Variants in CFAP54 observed in about 807,000 individuals in gnomAD.
CFAP54 encodes cilia- and flagella-associated protein 54.
A neutral mutation model predicts 370.4 loss-of-function variants in CFAP54; 290 were observed. That is an observed-to-expected ratio of 0.78 (90% CI 0.71 to 0.86). The LOEUF is 0.86. CFAP54 is among the 40% of genes least tolerant of loss of function. CFAP54 has a pLI of 0.00. For missense variants in CFAP54, 3,399 were observed against 3,528.7 expected (o/e 0.96, Z 0.93); for synonymous variants, 1,206 against 1,236.5 (o/e 0.98, Z 0.52).
chr12:96,769,901 A>G (rs1392288814), intron 60 of CFAP54, among the ~76,000 whole-genome samples: 1 of 152,222 alleles, frequency 6.6e-6, no homozygotes, highest in Non-Finnish European at 1.5e-5. Context: ...ACTGGGCTTT[A>G]ATGTATGTTT....
chr12:96,491,994 A>G (rs1954889988), intron 1 of CFAP54, among the ~76,000 whole-genome samples: 2 of 152,170 alleles, frequency 1.3e-5, no homozygotes, highest in African/African-American at 4.8e-5. Flanking sequence ...TCCTGACCTC[A>G]GGTGATCCAC....
intron 65 of CFAP54, among the ~76,000 whole-genome samples, chr12:96,825,855 A>G (rs1438968448): frequency 7.4e-6 from 1 of 135,834 alleles, no homozygotes; most frequent in Non-Finnish European, 1.5e-5. Flanking sequence ...TATAATATAT[A>G]AATTAATATA....
intron 17 of CFAP54, among the ~76,000 whole-genome samples, chr12:96,555,561 T>C (rs1366885842): frequency 6.8e-6 from 1 of 146,612 alleles, no homozygotes; most frequent in Non-Finnish European, 1.5e-5. Context: ...TAATATATAA[T>C]ACATAATATA....
intron 66 of CFAP54, among the ~76,000 whole-genome samples, chr12:96,832,176 A>T (rs771712914): frequency 6.6e-6 from 1 of 152,092 alleles, no homozygotes; most frequent in Non-Finnish European, 1.5e-5. Flanking sequence ...GCTGTCATCC[A>T]TGTAAGACAT....
intron 11 of CFAP54, among the ~76,000 whole-genome samples, chr12:96,535,177 G>A (rs897951693): frequency 1.3e-5 from 2 of 151,886 alleles, no homozygotes; most frequent in Admixed American, 1.3e-4. Flanking sequence ...AGCCTCCCGA[G>A]TAGCTAGGAT....
intron 26 of CFAP54, among the ~76,000 whole-genome samples, chr12:96,613,009 C>T (rs1956375960): frequency 1.3e-5 from 2 of 152,142 alleles, no homozygotes; most frequent in Non-Finnish European, 2.9e-5. Flanking sequence ...CTCAGCTCTG[C>T]ACCAGGCAGA....
At chr12:96,601,614 A>G (rs1169016458) in intron 26 of CFAP54, among the ~76,000 whole-genome samples, 1 of 152,156 alleles carries the variant, frequency 6.6e-6, no homozygotes, top group East Asian at 1.9e-4. Flanking sequence ...TATGCTATTA[A>G]TTATTACCTC....
At position 96,568,747 on chromosome 12, in the gene CFAP54, C is replaced by T. The variant is rs1409844242; in HGVS notation, c.2619+3982C>T. On this transcript the variant is annotated intron_variant, in intron 19 of 67. Coordinates refer to ENST00000524981, the MANE Select transcript of CFAP54 (RefSeq NM_001306084.2). ...TTTAGAACTCTTAAATAATTCATAT[C>T]CTGTCTCTGTTTTTCAGAAATTTTC... Among the ~76,000 whole-genome samples, 4 of 152,086 alleles carry T rather than the reference C, an allele frequency of 2.6e-5. No homozygotes were observed. The East Asian group carries it at 7.7e-4, about 29-fold the overall frequency.
intron 67 of CFAP54, among the ~76,000 whole-genome samples, chr12:96,867,445 C>G (rs1277242860): frequency 6.6e-6 from 1 of 152,184 alleles, no homozygotes; most frequent in Non-Finnish European, 1.5e-5. Flanking sequence ...TAAGAGATAT[C>G]TGCCCTCCTG....
In CFAP54 at chr12:96,640,662, C is replaced by G. The variant is rs1956716316; in HGVS notation, c.4317-3516C>G. 3.9e-5 allele frequency among the ~76,000 whole-genome samples: 6 copies of G among 152,208 alleles called. No individual in the cohort carries two copies. The South Asian group carries it at 1.2e-3, about 32-fold the overall frequency. ...AACAAAGCTGGAGGCATCACTCTAC[C>G]TGACTTCAAACTATACTACAAGGCT... On this transcript the variant is annotated intron_variant, in intron 32 of 67. Coordinates refer to ENST00000524981, the MANE Select transcript of CFAP54 (RefSeq NM_001306084.2).
intron 13 of CFAP54, chr12:96,538,739 C>G (rs1054498632): frequency 1.2e-5 from 6 of 485,518 alleles, no homozygotes; most frequent in South Asian, 7.9e-5. Flanking sequence ...TTGTGAGGAG[C>G]GAAGAGGTGT....
intron 34 of CFAP54, among the ~76,000 whole-genome samples, 154 bp from the exon 35 acceptor site, chr12:96,649,737 C>G (rs949210606): frequency 6.6e-6 from 1 of 152,128 alleles, no homozygotes; most frequent in Non-Finnish European, 1.5e-5. Flanking sequence ...AGAAACTTTC[C>G]CTGGTTCATT....
At chr12:96,653,214 G>A (rs1471597292) in intron 36 of CFAP54, among the ~76,000 whole-genome samples, 1 of 152,154 alleles carries the variant, frequency 6.6e-6, no homozygotes, top group Non-Finnish European at 1.5e-5. Flanking sequence ...AGTCATTCTA[G>A]TGAATTATCA....
intron 65 of CFAP54, among the ~76,000 whole-genome samples, chr12:96,820,034 T>A (rs1959014613): frequency 6.6e-6 from 1 of 152,140 alleles, no homozygotes; most frequent in East Asian, 1.9e-4. Flanking sequence ...TGCCTCCTAC[T>A]TGCCATGGTG....
chr12:96,643,069 T>A lies in CFAP54; in HGVS notation c.4317-1109T>A, dbSNP rs147244006. On this transcript the variant is annotated intron_variant, in intron 32 of 67. Coordinates refer to ENST00000524981, the MANE Select transcript of CFAP54 (RefSeq NM_001306084.2). Reference sequence around the variant, plus strand: ...ACTCATCTTGGCCTTTTGAGGAGAATTGATCTACTCACATGGGGACAAGAT... The same window carrying A: ...ACTCATCTTGGCCTTTTGAGGAGAAATGATCTACTCACATGGGGACAAGAT... Among the ~76,000 whole-genome samples, 718 of 152,244 alleles carry A rather than the reference T, an allele frequency of 4.7e-3. 4 individuals carry two copies. The highest frequency in any genetic ancestry group is 0.016 in the African/African-American group (681 of 41,532).
chr12:96,864,863 G>A (rs1344747962), intron 67 of CFAP54, among the ~76,000 whole-genome samples: 1 of 152,058 alleles, frequency 6.6e-6, no homozygotes, highest in Non-Finnish European at 1.5e-5. Flanking sequence ...AATGCATCAT[G>A]GAACTTATAG....
intron 29 of CFAP54, 67 bp downstream of exon 29, chr12:96,625,874 T>G: frequency 4.0e-6 from 5 of 1,243,718 alleles, no homozygotes; most frequent in Non-Finnish European, 5.6e-6. Flanking sequence ...ATTCTGTGGA[T>G]TTTGTTTCTG....
At chr12:96,619,729 G>C (rs1956463944) in intron 26 of CFAP54, among the ~76,000 whole-genome samples, 1 of 152,192 alleles carries the variant, frequency 6.6e-6, no homozygotes, top group East Asian at 1.9e-4. Flanking sequence ...ACCTAAATAT[G>C]TCAGAAAGCA....
Position 96,786,850 on chromosome 12 carries a change from G to A in CFAP54, c.8631G>A (p.Leu2877=). Residue 2877 remains leucine (L), a synonymous_variant, in exon 62 of 68, where the codon CTG becomes CTA. Transcript: ENST00000524981. ...TTCCAAAAGAACTTCTTTGTCAACTGGAAAATCCCCCTCTTTCAGAAAAAG... is the reference window on the plus strand; with the variant it reads ...TTCCAAAAGAACTTCTTTGTCAACTAGAAAATCCCCCTCTTTCAGAAAAAG... ...DEFPKELLCQ[L]ENPPLSEKDL... 6.5e-7 allele frequency: 1 copy of A among 1,535,324 alleles called. No individual in the cohort carries two copies. The highest frequency in any genetic ancestry group is 8.7e-7 in the Non-Finnish European group (1 of 1,146,464).
Sources: allele counts gnomAD v4.1 joint callset (sites outside exome capture counted in the v4.1 genomes callset), GRCh38; gene constraint gnomAD v4.1.1; transcripts MANE v1.5; gene names NCBI Gene and HGNC (gene_info 2026-07-23, HGNC 2026-07-21).